CUBN: variants seen among roughly 807,000 people sequenced by gnomAD.
CUBN encodes 460 kDa receptor.
In CUBN, 282 loss-of-function variants were observed where a neutral mutation model predicts 405.3. The ratio of observed to expected loss-of-function variants is 0.70; its 90% CI spans 0.63 to 0.77. The LOEUF (loss-of-function observed/expected upper bound fraction) is 0.77. Among genes scored for constraint, CUBN ranks in the 30% least tolerant of loss-of-function variants. The pLI is 0.00. For synonymous variants in CUBN, 1,684 were observed against 1,617.0 expected, an observed-to-expected ratio of 1.04 and a Z score of -0.99; for missense variants, 4,514 against 4,475.2, an observed-to-expected ratio of 1.01 and a Z score of -0.25.
Position 16,940,245 on chromosome 10 carries a change from G to C in CUBN, c.5343-8C>G. On this transcript the variant is annotated splice_region_variant and splice_polypyrimidine_tract_variant and intron_variant, in intron 36 of 66. Coordinates refer to ENST00000377833, the MANE Select transcript of CUBN (RefSeq NM_001081.4). Reference sequence around the variant, plus strand: ...TCTTCCAACTGGAAAGATCTGATTTGGGGAAAAAAATATTTAAAGGGATTA... The same window carrying C: ...TCTTCCAACTGGAAAGATCTGATTTCGGGAAAAAAATATTTAAAGGGATTA... The C allele has an allele frequency of 6.2e-7, 1 of 1,612,384 alleles. No individual in the cohort carries two copies. The highest frequency in any genetic ancestry group is 1.7e-5 in the Admixed American group (1 of 59,996).
At chr10:16,971,820 C>T (rs1052171919) in intron 31 of CUBN, among the ~76,000 whole-genome samples, 4 of 151,894 alleles carry the variant, frequency 2.6e-5, no homozygotes, top group African/African-American at 4.8e-5. Flanking sequence ...TTTTAAAAAA[C>T]CAACTCTCCA....
At chr10:17,071,008 T>A (rs999710193) in intron 19 of CUBN, among the ~76,000 whole-genome samples, 2 of 152,340 alleles carry the variant, frequency 1.3e-5, no homozygotes, top group East Asian at 1.9e-4. Context: ...TTTAAATGAA[T>A]GTCCATTATG....
At chr10:16,989,888 C>T (rs909442521) in intron 29 of CUBN, among the ~76,000 whole-genome samples, 2 of 152,230 alleles carry the variant, frequency 1.3e-5, no homozygotes, top group Non-Finnish European at 1.5e-5. Context: ...CACGAATGCT[C>T]TTTCTGGGGG....
intron 57 of CUBN, among the ~76,000 whole-genome samples, chr10:16,875,005 G>GAT (rs958613609): frequency 5.9e-5 from 9 of 152,022 alleles, no homozygotes; most frequent in African/African-American, 2.2e-4. Flanking sequence ...ATCATTTTTG[G>GAT]AGCTTTCCAG....
At chr10:16,837,899 G>A (rs1301799754) in intron 62 of CUBN, among the ~76,000 whole-genome samples, 12 of 152,220 alleles carry the variant, frequency 7.9e-5, no homozygotes, top group Admixed American at 5.9e-4. Flanking sequence ...TGTTTCAGAC[G>A]GTGTCTCGTG....
At chr10:17,065,370 G>C (rs1835591632) in intron 22 of CUBN, 138 bp downstream of exon 22, 1 of 1,077,258 alleles carries the variant, frequency 9.3e-7, no homozygotes, top group Non-Finnish European at 1.4e-6. Flanking sequence ...AGGTATTTAA[G>C]TCACTACCCT....
At chr10:16,855,114 T>C (rs1256903217) in intron 59 of CUBN, among the ~76,000 whole-genome samples, 2 of 125,198 alleles carry the variant, frequency 1.6e-5, no homozygotes, top group Non-Finnish European at 3.3e-5. Flanking sequence ...CCTTCCTTCC[T>C]TCCTTCCTTT....
At chr10:17,090,826 T>TAAAAA (rs59564374) in intron 14 of CUBN, among the ~76,000 whole-genome samples, 4 of 94,012 alleles carry the variant, frequency 4.3e-5, no homozygotes, top group African/African-American at 6.4e-5. Context: ...AAATGTAAAG[T>TAAAAA]AAAAAAAAAA....
At chr10:16,992,231 AG>A (rs1316525135) in intron 28 of CUBN, among the ~76,000 whole-genome samples, 1 of 148,564 alleles carries the variant, frequency 6.7e-6, no homozygotes, top group Non-Finnish European at 1.5e-5. Flanking sequence ...TCACACACCA[AG>A]GTCTGTCATG....
rs75971571 is a variant in CUBN at position 16,898,403 on chromosome 10, G to A, written c.8598+593C>T. On this transcript the variant is annotated intron_variant, in intron 54 of 66. Coordinates refer to ENST00000377833, the MANE Select transcript of CUBN (RefSeq NM_001081.4). ...GACAGACATGAATGGAGGGGCTAAC[G>A]TGACCAGTGTTATTTCCACTGGAAA... is the stretch of plus-strand genomic sequence containing the variant. 1.1e-3 allele frequency among the ~76,000 whole-genome samples: 163 copies of A among 152,182 alleles called. 2 individuals carry two copies. In the East Asian group the frequency reaches 0.025, roughly 23 times the overall value.
chr10:17,121,138 C>G lies in CUBN; in HGVS notation c.593+1657G>C, dbSNP rs1837031252. 2.0e-5 allele frequency among the ~76,000 whole-genome samples: 3 copies of G among 151,988 alleles called. No homozygotes were observed. In the South Asian group the frequency reaches 6.2e-4, roughly 32 times the overall value. On this transcript the variant is annotated intron_variant, in intron 6 of 66. Transcript: ENST00000377833. ...ATCAAAAAGCTCTTTAATAACATAA[C>G]ACTAAATTTAAGTCAGAAGTGGTTA...
At chr10:16,858,180 A>G (rs1474227328) in intron 59 of CUBN, among the ~76,000 whole-genome samples, 4 of 152,210 alleles carry the variant, frequency 2.6e-5, no homozygotes, top group Non-Finnish European at 5.9e-5. Flanking sequence ...CTAGATACAT[A>G]TATGTTCATG....
At position 17,105,313 on chromosome 10, in the gene CUBN, T is replaced by G. The variant is rs185293057; in HGVS notation, c.1230+144A>C. 1.7e-5 allele frequency: 12 copies of G among 726,380 alleles called. No homozygotes were observed. In the Middle Eastern group the frequency reaches 7.7e-4, roughly 47 times the overall value. 45.0% of individuals were successfully genotyped at this position (726,380 alleles called of 1,614,324 possible). The stretch of plus-strand genomic sequence containing the variant: ...TCCTAAGAACTAAAATCATTATCTA[T>G]CTTTCATCTGAGAGTTCTCGACAGT... On this transcript the variant is annotated intron_variant, in intron 11 of 66. Transcript: ENST00000377833.
intron 60 of CUBN, among the ~76,000 whole-genome samples, chr10:16,842,040 C>T (rs1407125567): frequency 1.4e-5 from 2 of 142,760 alleles, no homozygotes; most frequent in East Asian, 2.0e-4. Context: ...CTATATACTA[C>T]ATATTTAGCT....
chr10:16,988,794 AC>A (rs1253156509), intron 29 of CUBN, among the ~76,000 whole-genome samples: 1 of 152,148 alleles, frequency 6.6e-6, no homozygotes, highest in Non-Finnish European at 1.5e-5. Flanking sequence ...TTGAGCAGTG[AC>A]TGGCTTCAGT....
At chr10:16,833,623 G>A (rs780820) in intron 64 of CUBN, among the ~76,000 whole-genome samples, 18,617 of 152,120 alleles carry the variant, frequency 0.12, 1,565 homozygotes, top group East Asian at 0.29. Context: ...GATGAGGGGG[G>A]TTGCAGGGCA....
chr10:17,032,343 C>T (rs1459653570), intron 27 of CUBN, among the ~76,000 whole-genome samples: 2 of 152,154 alleles, frequency 1.3e-5, no homozygotes, highest in Non-Finnish European at 2.9e-5. Context: ...ACGTTAAATT[C>T]CTTGCCCAAG....
intron 32 of CUBN, 62 bp from the exon 33 acceptor site, chr10:16,952,451 A>G: frequency 9.8e-7 from 1 of 1,016,706 alleles, no homozygotes. Flanking sequence ...ACCGTACAAA[A>G]CAATTATTTG....
rs565027881 is a variant in CUBN, at chr10:16,986,744, C to T, written c.4351-2465G>A. On this transcript the variant is annotated intron_variant, in intron 29 of 66. Coordinates refer to ENST00000377833, the MANE Select transcript of CUBN (RefSeq NM_001081.4). The stretch of plus-strand genomic sequence containing the variant: ...GCTTTCTTTCCCATTTTCAAGATCT[C>T]CCTACCCCCTCGCCTAGGGCACAGT... 2.5e-4 allele frequency among the ~76,000 whole-genome samples: 38 copies of T among 152,230 alleles called. 1 individual carries two copies. The highest frequency in any genetic ancestry group is 2.4e-3 in the Admixed American group (37 of 15,286).
Sources: allele counts gnomAD v4.1 joint callset (sites outside exome capture counted in the v4.1 genomes callset), GRCh38; gene constraint gnomAD v4.1.1; transcripts MANE v1.5; gene names NCBI Gene and HGNC (gene_info 2026-07-23, HGNC 2026-07-21).